The following TMTC1 variants were observed in gnomAD, a reference collection of about 807,000 sequenced individuals.
TMTC1 encodes the protein transmembrane O-mannosyltransferase targeting cadherins 1.
A neutral mutation model predicts 104.8 loss-of-function variants in TMTC1; 73 were observed. The observed-to-expected ratio is 0.70, with a 90% CI of 0.58 to 0.85. TMTC1 has a LOEUF of 0.85. Ranked by LOEUF, TMTC1 falls within the 40% of genes least tolerant of loss-of-function variation. The probability of loss-of-function intolerance (pLI) is 0.00; values close to 1 mark genes in which losing one functional copy is unlikely to be tolerated. For synonymous variants in TMTC1, 434 were observed against 428.7 expected, an observed-to-expected ratio of 1.01 and a Z score of -0.15; for missense variants, 1,035 against 1,096.1, an observed-to-expected ratio of 0.94 and a Z score of 0.79.
intron 5 of TMTC1, among the ~76,000 whole-genome samples, chr12:29,706,413 C>T (rs1170354525): frequency 6.6e-6 from 1 of 152,140 alleles, no homozygotes; most frequent in Non-Finnish European, 1.5e-5. Context: ...TTCCTTCTGC[C>T]TAACCATTGC....
intron 9 of TMTC1, among the ~76,000 whole-genome samples, chr12:29,564,895 T>C (rs1241798627): frequency 6.6e-6 from 1 of 151,996 alleles, no homozygotes; most frequent in Non-Finnish European, 1.5e-5. Flanking sequence ...CAGAGGATTA[T>C]AAATAAGCTC....
Position 29,735,156 on chromosome 12 carries a change from AGAG to A in TMTC1, c.938+16507_938+16509del, listed in dbSNP as rs1245412636. On this transcript the variant is annotated intron_variant, in intron 5 of 17. Transcript: ENST00000539277. ...AGCATATAGACCTGCATGAAGACAC[AGAG>A]TCCTCTGCATTCTTTAAGTAGGTGC... 3.9e-5 allele frequency among the ~76,000 whole-genome samples: 6 copies of A among 152,364 alleles called. No individual in the cohort carries two copies. The East Asian group carries it at 1.2e-3, about 29-fold the overall frequency.
intron 12 of TMTC1, chr12:29,519,566 A>T (rs1437285968): frequency 6.6e-6 from 1 of 152,182 alleles, no homozygotes; most frequent in African/African-American, 2.4e-5. Context: ...TATCTGTTTG[A>T]ATACAAGTTT....
chr12:29,556,217 T>C (rs1433953172), intron 10 of TMTC1, among the ~76,000 whole-genome samples: 1 of 151,840 alleles, frequency 6.6e-6, no homozygotes, highest in East Asian at 1.9e-4. Flanking sequence ...TATCAACCTT[T>C]ATCAGGGCAG....
chr12:29,672,276 T>C (rs957206410), intron 5 of TMTC1, among the ~76,000 whole-genome samples: 2 of 152,174 alleles, frequency 1.3e-5, no homozygotes, highest in African/African-American at 4.8e-5. Context: ...GAAGAAAATG[T>C]TTCCACAGCC....
At chr12:29,559,966 C>T (rs931920040) in intron 9 of TMTC1, among the ~76,000 whole-genome samples, 7 of 152,186 alleles carry the variant, frequency 4.6e-5, no homozygotes, top group African/African-American at 1.7e-4. Context: ...AAAACACACA[C>T]TGTACAGCAG....
chr12:29,724,718 G>A (rs1386515023), intron 5 of TMTC1, among the ~76,000 whole-genome samples: 3 of 151,962 alleles, frequency 2.0e-5, no homozygotes, highest in Non-Finnish European at 4.4e-5. Context: ...ATACAAACGT[G>A]GTGAAACCAT....
intron 5 of TMTC1, among the ~76,000 whole-genome samples, chr12:29,655,124 G>A (rs548900788): frequency 2.6e-4 from 39 of 152,098 alleles, no homozygotes; most frequent in African/African-American, 7.5e-4. Flanking sequence ...CTCGTGATCC[G>A]CCTGCCTCGG....
chr12:29,546,366 C>T (rs1944941804), intron 10 of TMTC1, among the ~76,000 whole-genome samples: 1 of 152,116 alleles, frequency 6.6e-6, no homozygotes, highest in Non-Finnish European at 1.5e-5. Flanking sequence ...CATGAAAACA[C>T]CAAACTAAGG....
In TMTC1 at chr12:29,569,906, T is replaced by C. The variant is rs1945619763; in HGVS notation, c.1532+2199A>G. Among the ~76,000 whole-genome samples the C allele has an allele frequency of 2.6e-5, 4 of 152,228 alleles. No homozygotes were observed. In the South Asian group the frequency reaches 8.3e-4, roughly 31 times the overall value. On this transcript the variant is annotated intron_variant, in intron 9 of 17. Coordinates refer to ENST00000539277, the MANE Select transcript of TMTC1 (RefSeq NM_001193451.2). ...ACAGTTGCTGAAGCAAACATTTATT[T>C]GTATTGTTTCACAGCAAAGAAACGG... is the stretch of plus-strand genomic sequence containing the variant.
chr12:29,604,636 G>C (rs562375368), intron 6 of TMTC1, among the ~76,000 whole-genome samples: 2 of 152,238 alleles, frequency 1.3e-5, no homozygotes, highest in East Asian at 3.9e-4. Context: ...TGTCTTTCCA[G>C]ACACCCCATT....
At chr12:29,779,793 T>A (rs1943791960) in intron 1 of TMTC1, among the ~76,000 whole-genome samples, 1 of 151,832 alleles carries the variant, frequency 6.6e-6, no homozygotes, top group East Asian at 1.9e-4. Flanking sequence ...ACAAAGTACA[T>A]GTATCTAGAA....
intron 4 of TMTC1, among the ~76,000 whole-genome samples, chr12:29,752,471 C>T (rs1943115439): frequency 6.6e-6 from 1 of 152,190 alleles, no homozygotes; most frequent in South Asian, 2.1e-4. Context: ...ATGCAGTTAA[C>T]GTGCATCTAT....
At chr12:29,780,974 A>G (rs1943821909) in intron 1 of TMTC1, among the ~76,000 whole-genome samples, 1 of 152,242 alleles carries the variant, frequency 6.6e-6, no homozygotes, top group South Asian at 2.1e-4. Context: ...TCTAAAATAA[A>G]AATCATAAAG....
At chr12:29,615,190 T>C (rs572859576) in intron 6 of TMTC1, among the ~76,000 whole-genome samples, 3 of 152,328 alleles carry the variant, frequency 2.0e-5, no homozygotes, top group Admixed American at 6.5e-5. Context: ...GATACAAAAA[T>C]GAGAGCAAGT....
rs964761578 is a variant in TMTC1, at chr12:29,783,520, A to G, written c.232T>C (p.Phe78Leu). 2 of 1,448,846 alleles carry G rather than the reference A, an allele frequency of 1.4e-6. No homozygotes were observed. The highest frequency in any genetic ancestry group is 1.8e-6 in the Non-Finnish European group (2 of 1,099,374). 89.7% of individuals were successfully genotyped at this position (1,448,846 alleles called of 1,614,324 possible). ...TTCTCGGCCATGCCCTTGCCCCAGA[A>G]GTCGTTGGTGAAGATGCCCCAGCGG... is the stretch of plus-strand genomic sequence containing the variant. Reference protein sequence around the residue: ...PLRWGIFTNDFWGKGMAENTS... With the variant: ...PLRWGIFTNDLWGKGMAENTS... The change falls in exon 1 of 18, where the codon TTC becomes CTC. Residue 78 changes from phenylalanine to leucine, a missense_variant. Phe to Leu is a conservative substitution (Grantham distance 22, BLOSUM62 0). Transcript: ENST00000539277. This position sits in a 1 kb window ranked among gnomAD's most constrained non-coding sequence, Gnocchi z 4.7.
chr12:29,778,375 T>C lies in TMTC1; in HGVS notation c.302+5075A>G, dbSNP rs190303137. Among the ~76,000 whole-genome samples the C allele has an allele frequency of 3.3e-4, 51 of 152,304 alleles. 1 individual carries two copies. The East Asian group carries it at 9.1e-3, about 27-fold the overall frequency. On this transcript the variant is annotated intron_variant, in intron 1 of 17. Transcript: ENST00000539277. ...CAGTATCTTCTTCCCAAGAGAAGGGTTGGGATAAAATTAAAAAGCTAAGTT... is the reference window on the plus strand; with the variant it reads ...CAGTATCTTCTTCCCAAGAGAAGGGCTGGGATAAAATTAAAAAGCTAAGTT...
chr12:29,709,652 T>C (rs1941844903), intron 5 of TMTC1, among the ~76,000 whole-genome samples: 1 of 152,216 alleles, frequency 6.6e-6, no homozygotes, highest in African/African-American at 2.4e-5. Flanking sequence ...CTCTCTCTCT[T>C]TTCTCTGGCC....
intron 5 of TMTC1, among the ~76,000 whole-genome samples, chr12:29,729,724 C>T (rs1416851797): frequency 6.6e-6 from 1 of 152,148 alleles, no homozygotes; most frequent in African/African-American, 2.4e-5. Context: ...TTGAATGTGC[C>T]ATCTCTTTCC....
Sources: gnomAD v4.1 joint callset for allele counts (sites outside exome capture counted in the v4.1 genomes callset) on GRCh38, gnomAD v4.1.1 for gene constraint, Gnocchi (gnomAD v3.1) non-coding constraint, MANE v1.5 for transcripts, NCBI Gene and HGNC (gene_info 2026-07-23, HGNC 2026-07-21) for gene names.